Variants in LOC400499 observed in about 807,000 individuals in gnomAD.
the LOC400499 span, among the ~76,000 whole-genome samples, chr16:11,516,932 C>A: frequency 6.6e-6 from 1 of 152,222 alleles, no homozygotes; most frequent in Non-Finnish European, 1.5e-5. Context: ...AGGCGTAAGC[C>A]ACCGCACTCC....
chr16:11,467,910 C>T, the LOC400499 span, among the ~76,000 whole-genome samples: 1 of 152,132 alleles, frequency 6.6e-6, no homozygotes, highest in East Asian at 1.9e-4. Context: ...AGGGTGAACC[C>T]TAATCCCGTT....
At chr16:11,403,436 C>A in the LOC400499 span, among the ~76,000 whole-genome samples, 1 of 152,136 alleles carries the variant, frequency 6.6e-6, no homozygotes, top group East Asian at 1.9e-4. Context: ...CATGCACACA[C>A]GTGCATGTAT....
At chr16:11,433,830 G>T in the LOC400499 span, among the ~76,000 whole-genome samples, 1 of 152,208 alleles carries the variant, frequency 6.6e-6, no homozygotes, top group Admixed American at 6.5e-5. Context: ...AGAGGGCGGG[G>T]AAGCCCAGCA....
chr16:11,425,535 C>T, the LOC400499 span: 1 of 397,978 alleles, frequency 2.5e-6, no homozygotes, highest in Non-Finnish European at 4.4e-6. Context: ...TTGCTAGATT[C>T]ATGATGTCGC....
the LOC400499 span, among the ~76,000 whole-genome samples, chr16:11,408,851 T>C: frequency 6.6e-6 from 1 of 151,932 alleles, no homozygotes; most frequent in East Asian, 1.9e-4. Flanking sequence ...AAAAATAAGA[T>C]GGATGGATAG....
chr16:11,393,649 G>A, the LOC400499 span: 1 of 1,100,974 alleles, frequency 9.1e-7, no homozygotes, highest in Non-Finnish European at 1.2e-6. Context: ...GAAGAGGCTG[G>A]CTGGGGAGGC....
chr16:11,394,517 C>T, the LOC400499 span, among the ~76,000 whole-genome samples: 21 of 152,342 alleles, frequency 1.4e-4, no homozygotes, highest in African/African-American at 5.1e-4. Context: ...TGTGTGTGCG[C>T]GTGCACGTAT....
the LOC400499 span, among the ~76,000 whole-genome samples, chr16:11,480,862 A>C: frequency 6.6e-6 from 1 of 152,264 alleles, no homozygotes; most frequent in Non-Finnish European, 1.5e-5. Flanking sequence ...CACAGGACAG[A>C]GAAATCTCAC....
At chr16:11,501,282 T>C in the LOC400499 span, among the ~76,000 whole-genome samples, 83 of 151,722 alleles carry the variant, frequency 5.5e-4, no homozygotes, top group Non-Finnish European at 7.5e-4. Context: ...TAAAAATCCC[T>C]AGCGGAACAG....
the LOC400499 span, chr16:11,470,849 G>C: frequency 6.5e-6 from 1 of 152,740 alleles, no homozygotes. Flanking sequence ...AAGGACACTT[G>C]AAAGGAGCTA....
At chr16:11,450,595 C>G in the LOC400499 span, 2 of 1,535,126 alleles carry the variant, frequency 1.3e-6, no homozygotes, top group Non-Finnish European at 1.7e-6. Flanking sequence ...TATCGGGGGC[C>G]GAGCACTGCT....
the LOC400499 span, among the ~76,000 whole-genome samples, chr16:11,403,980 CT>C: frequency 6.6e-6 from 1 of 152,212 alleles, no homozygotes; most frequent in African/African-American, 2.4e-5. Flanking sequence ...CTCATCCCTT[CT>C]CCCCATTCCA....
At chr16:11,395,638 A>C in the LOC400499 span, among the ~76,000 whole-genome samples, 1 of 152,228 alleles carries the variant, frequency 6.6e-6, no homozygotes, top group African/African-American at 2.4e-5. Context: ...CACCTGCTAC[A>C]TGCAGATGTT....
At chr16:11,463,419 T>C in the LOC400499 span, among the ~76,000 whole-genome samples, 1 of 142,074 alleles carries the variant, frequency 7.0e-6, no homozygotes, top group Non-Finnish European at 1.6e-5. Context: ...TGTGTACAGA[T>C]GTATCTGTAC....
chr16:11,434,019 T>C, the LOC400499 span, among the ~76,000 whole-genome samples: 2 of 152,128 alleles, frequency 1.3e-5, no homozygotes, highest in Admixed American at 1.3e-4. Context: ...TACAGCCAGT[T>C]GGTCAGGAGG....
At chr16:11,385,470 A>T in the LOC400499 span, 1 of 1,168,536 alleles carries the variant, frequency 8.6e-7, no homozygotes, top group Non-Finnish European at 1.1e-6. Context: ...CACCCACCGC[A>T]GTAGGAGCCC....
the LOC400499 span, chr16:11,460,190 T>TA: frequency 1.3e-6 from 1 of 779,624 alleles, no homozygotes; most frequent in Non-Finnish European, 1.8e-6. Context: ...ACTATTTTTT[T>TA]TTAATTTATT....
At chr16:11,513,426 A>T in the LOC400499 span, among the ~76,000 whole-genome samples, 2,363 of 150,954 alleles carry the variant, frequency 0.016, 73 homozygotes, top group African/African-American at 0.055. Flanking sequence ...AAAATTTAAA[A>T]ATTTATTTAT....
At chr16:11,500,833 G>A in the LOC400499 span, 2 of 399,138 alleles carry the variant, frequency 5.0e-6, no homozygotes, top group Admixed American at 4.4e-5. Context: ...GCATCTGTGG[G>A]CTGTGGGAGG....
Sources: allele counts gnomAD v4.1 joint callset (sites outside exome capture counted in the v4.1 genomes callset), GRCh38; gene constraint gnomAD v4.1.1; transcripts MANE v1.5.